PCCA: variants seen among roughly 807,000 people sequenced by gnomAD.
PCCA encodes propionyl-CoA carboxylase alpha chain, mitochondrial.
PCCA carries 74 observed loss-of-function variants against 101.3 expected under a neutral mutation model. The ratio of observed to expected loss-of-function variants is 0.73; its 90% CI spans 0.61 to 0.89. The LOEUF is 0.89. PCCA is among the 40% of genes least tolerant of loss of function. PCCA has a pLI of 0.00. For synonymous variants in PCCA, 294 were observed against 313.6 expected, an observed-to-expected ratio of 0.94 and a Z score of 0.66; for missense variants, 891 against 907.0, an observed-to-expected ratio of 0.98 and a Z score of 0.23.
chr13:100,315,016 A>ATG (rs2067219495), intron 16 of PCCA, among the ~76,000 whole-genome samples: 1 of 152,154 alleles, frequency 6.6e-6, no homozygotes, highest in South Asian at 2.1e-4. Flanking sequence ...CTTTTAGGAG[A>ATG]TGTACACTGA....
intron 21 of PCCA, among the ~76,000 whole-genome samples, chr13:100,487,806 C>T (rs983203108): frequency 2.0e-5 from 3 of 151,974 alleles, no homozygotes; most frequent in African/African-American, 7.2e-5. Flanking sequence ...CTCACTACAG[C>T]CTCAAAACTC....
intron 16 of PCCA, among the ~76,000 whole-genome samples, chr13:100,320,989 TC>T (rs1045175281): frequency 8.5e-5 from 13 of 152,078 alleles, no homozygotes; most frequent in African/African-American, 2.9e-4. Flanking sequence ...CAAGCAGTCC[TC>T]CTCCCTCAGC....
intron 7 of PCCA, among the ~76,000 whole-genome samples, chr13:100,224,317 GC>G (rs912798423): frequency 1.3e-5 from 2 of 152,230 alleles, no homozygotes; most frequent in African/African-American, 4.8e-5. Context: ...ATTGCCCGGG[GC>G]CGGCAGGGCC....
intron 10 of PCCA, chr13:100,268,422 T>G (rs563785035): frequency 7.8e-5 from 38 of 488,548 alleles, no homozygotes; most frequent in African/African-American, 7.0e-4. Context: ...TTTGTACAAC[T>G]GATTCTGATG....
intron 17 of PCCA, among the ~76,000 whole-genome samples, chr13:100,337,050 C>T (rs1055987027): frequency 3.3e-5 from 5 of 152,144 alleles, no homozygotes; most frequent in Non-Finnish European, 5.9e-5. Flanking sequence ...TGTCAGATTA[C>T]AGCACTCTTG....
intron 18 of PCCA, among the ~76,000 whole-genome samples, chr13:100,342,408 C>T (rs767431915): frequency 7.2e-5 from 11 of 151,970 alleles, no homozygotes; most frequent in African/African-American, 1.2e-4. Flanking sequence ...GGACTACAGG[C>T]ATACACTACC....
intron 6 of PCCA, among the ~76,000 whole-genome samples, chr13:100,180,516 A>G (rs2056696183): frequency 6.6e-6 from 1 of 152,182 alleles, no homozygotes; most frequent in Non-Finnish European, 1.5e-5. Flanking sequence ...GCCCCATAAG[A>G]CAACCCATGG....
intron 19 of PCCA, among the ~76,000 whole-genome samples, chr13:100,386,876 A>G (rs558960589): frequency 1.3e-5 from 2 of 152,312 alleles, no homozygotes; most frequent in South Asian, 2.1e-4. Context: ...CTCTTAGATC[A>G]TATCTTTTTA....
chr13:100,454,387 G>T (rs2081564720), intron 21 of PCCA, among the ~76,000 whole-genome samples: 1 of 152,114 alleles, frequency 6.6e-6, no homozygotes, highest in African/African-American at 2.4e-5. Context: ...AATGTGCTTT[G>T]TTTTACTGAA....
At chr13:100,492,336 G>A (rs1329621194) in intron 21 of PCCA, among the ~76,000 whole-genome samples, 2 of 152,040 alleles carry the variant, frequency 1.3e-5, no homozygotes, top group African/African-American at 4.8e-5. Context: ...GGGTTTCACT[G>A]TGTTAGCCAG....
intron 20 of PCCA, among the ~76,000 whole-genome samples, chr13:100,438,450 C>T (rs1331298985): frequency 6.6e-6 from 1 of 152,108 alleles, no homozygotes; most frequent in African/African-American, 2.4e-5. Context: ...CCAGCAAAGC[C>T]ATGTTGATTT....
intron 11 of PCCA, among the ~76,000 whole-genome samples, chr13:100,269,049 T>C (rs1205185494): frequency 1.3e-5 from 2 of 152,184 alleles, no homozygotes; most frequent in African/African-American, 4.8e-5. Context: ...GGTTTTGTCA[T>C]GTTGCTCAGG....
At chr13:100,473,541 C>T (rs967295959) in intron 21 of PCCA, among the ~76,000 whole-genome samples, 2 of 152,220 alleles carry the variant, frequency 1.3e-5, no homozygotes, top group African/African-American at 4.8e-5. Context: ...ATAGTACATA[C>T]ACTCAGACAG....
chr13:100,360,936 T>C (rs2074502491), intron 18 of PCCA, among the ~76,000 whole-genome samples: 1 of 152,202 alleles, frequency 6.6e-6, no homozygotes, highest in East Asian at 1.9e-4. Flanking sequence ...TAAACTGGTA[T>C]GTCCGTACAA....
At chr13:100,114,695 G>A (rs1319721204) in intron 4 of PCCA, among the ~76,000 whole-genome samples, 2 of 152,142 alleles carry the variant, frequency 1.3e-5, no homozygotes, top group Admixed American at 1.3e-4. Context: ...CGACATTACT[G>A]ATCATTACGG....
intron 10 of PCCA, 135 bp from the exon 11 acceptor site, chr13:100,268,554 A>G: frequency 1.3e-6 from 1 of 755,584 alleles, no homozygotes; most frequent in Non-Finnish European, 2.5e-6. Context: ...GAATCAAAAT[A>G]ATGTTTTGAG....
At chr13:100,465,404 A>G (rs917511561) in intron 21 of PCCA, among the ~76,000 whole-genome samples, 5 of 152,358 alleles carry the variant, frequency 3.3e-5, no homozygotes, top group Middle Eastern at 3.4e-3. Context: ...ATGTACTTTC[A>G]TAATACATAC....
At position 100,255,266 on chromosome 13, in the gene PCCA, T is replaced by C. The variant is rs564022424; in HGVS notation, c.638-2329T>C. ...TATTATATATTGTCCTATTCTCTAATGACTTCCCACCTTTTCTGAGCATCT... is the reference window on the plus strand; with the variant it reads ...TATTATATATTGTCCTATTCTCTAACGACTTCCCACCTTTTCTGAGCATCT... On this transcript the variant is annotated intron_variant, in intron 8 of 23. Transcript: ENST00000376285. 4.6e-5 allele frequency among the ~76,000 whole-genome samples: 7 copies of C among 152,364 alleles called. No individual in the cohort carries two copies. In the East Asian group the frequency reaches 1.3e-3, roughly 29 times the overall value.
intron 19 of PCCA, among the ~76,000 whole-genome samples, chr13:100,414,991 T>C (rs1432392410): frequency 2.6e-5 from 4 of 152,194 alleles, no homozygotes; most frequent in Non-Finnish European, 5.9e-5. Flanking sequence ...CTAAGGAGTA[T>C]TGCAAGGTAA....
Sources: allele counts gnomAD v4.1 joint callset (sites outside exome capture counted in the v4.1 genomes callset), GRCh38; gene constraint gnomAD v4.1.1; transcripts MANE v1.5; gene names NCBI Gene and HGNC (gene_info 2026-07-23, HGNC 2026-07-21).